Variants in LRFN1 observed in about 807,000 individuals in gnomAD.
LRFN1 encodes the protein leucine-rich repeat and fibronectin type III domain-containing protein 1.
In LRFN1, 20 loss-of-function variants were observed where a neutral mutation model predicts 31.8. The ratio of observed to expected loss-of-function variants is 0.63; its 90% CI spans 0.44 to 0.91. The LOEUF is 0.91. Among genes scored for constraint, LRFN1 ranks in the 40% least tolerant of loss-of-function variants. The pLI is 0.00. For missense variants in LRFN1, 912 were observed against 1,129.8 expected (o/e 0.81, Z 2.76); for synonymous variants, 514 against 541.3 (o/e 0.95, Z 0.70).
intron 4 of LRFN1, among the ~76,000 whole-genome samples, chr19:39,312,875 A>G (rs894783245): frequency 6.6e-6 from 1 of 151,746 alleles, no homozygotes; most frequent in Non-Finnish European, 1.5e-5. Flanking sequence ...TGCAACTCAT[A>G]GTGTACTATG....
chr19:39,308,243 C>A lies in LRFN1; in HGVS notation c.1706G>T (p.Arg569Leu), dbSNP rs749689228. Residue 569 changes from arginine to leucine, a missense_variant, in exon 5 of 5, where the codon CGC becomes CTC. Physicochemically the swap from Arg to Leu is moderately radical, Grantham distance 102 (BLOSUM62 -2). This residue lies in a region of LRFN1 where 511 missense variants were observed against 557.0 expected (regional missense o/e 0.92). Transcript: ENST00000248668. The surrounding 1 kb of genome is among the most constrained non-coding windows in gnomAD (Gnocchi z 6.2). ...CGGGAGCGACCTGGAGCCCTTGACGCGGCGGCTGTCCCCGTCGCCATACAC... is the reference window on the plus strand; with the variant it reads ...CGGGAGCGACCTGGAGCCCTTGACGAGGCGGCTGTCCCCGTCGCCATACAC... ...YKVYGDGDSRRVKGSRSLPRV... is the reference protein window; with the variant it reads ...YKVYGDGDSRLVKGSRSLPRV... 43 of 1,612,214 alleles carry A rather than the reference C, an allele frequency of 2.7e-5. No homozygotes were observed. The highest frequency in any genetic ancestry group is 3.5e-5 in the Non-Finnish European group (41 of 1,179,232).
Position 39,307,745 on chromosome 19 carries a change from A to G in LRFN1, c.2204T>C (p.Leu735Pro), listed in dbSNP as rs766784830. The G allele has an allele frequency of 6.7e-7, 1 of 1,492,642 alleles. No individual in the cohort carries two copies. The highest frequency in any genetic ancestry group is 2.3e-5 in the Admixed American group (1 of 43,116). The allele number at this position is 1,492,642 out of a possible 1,614,324, so 92.5% of individuals were successfully genotyped here. A position where few individuals can be genotyped will look rare whatever the true frequency, so the allele number is the denominator to read the frequency against. ...RTKRHRSTPHLDGAGGGAAGE... is the reference protein window; with the variant it reads ...RTKRHRSTPHPDGAGGGAAGE... ...GGCCGCGCCCCCTCCAGCCCCGTCC[A>G]GGTGCGGCGTGGACCGGTGGCGCTT... The change falls in exon 5 of 5, where the codon CTG (leucine) becomes CCG (proline). Residue 735 changes from leucine to proline, a missense_variant. By Grantham distance (98) the Leu-to-Pro change is moderately conservative (BLOSUM62 -3). This residue lies in a region of LRFN1 where 511 missense variants were observed against 557.0 expected (regional missense o/e 0.92). Transcript: ENST00000248668. This position sits in a 1 kb window ranked among gnomAD's most constrained non-coding sequence, Gnocchi z 6.7.
intron 4 of LRFN1, among the ~76,000 whole-genome samples, chr19:39,312,266 AAG>A (rs1405402256): frequency 1.3e-5 from 2 of 151,954 alleles, no homozygotes; most frequent in Non-Finnish European, 2.9e-5. Context: ...GATGGAGGCC[AAG>A]AGGCAGGTTT....
In LRFN1 at chr19:39,315,133, C is replaced by T. The variant is rs1161165172; in HGVS notation, c.204G>A (p.Val68=). The stretch of plus-strand genomic sequence containing the variant: ...TGAAGTTGTCGGTGAGCCGCAGCTC[C>T]ACCACGCGCCGGTCGATGGCGGGCG... ...FVPPAIDRRV[V]ELRLTDNFIA... The change falls in exon 4 of 5, where the codon GTG becomes GTA. Residue 68 remains valine, a synonymous_variant. Coordinates refer to ENST00000248668, the MANE Select transcript of LRFN1 (RefSeq NM_020862.2). The surrounding 1 kb of genome is among the most constrained non-coding windows in gnomAD (Gnocchi z 4.7). The T allele has an allele frequency of 6.3e-7, 1 of 1,591,782 alleles. No homozygotes were observed. The highest frequency in any genetic ancestry group is 1.3e-5 in the African/African-American group (1 of 74,740).
chr19:39,306,674 A>G lies in LRFN1; in HGVS notation c.*959T>C, dbSNP rs999660553. 39 of 150,118 alleles carry G rather than the reference A, an allele frequency of 2.6e-4. No homozygotes were observed. The highest frequency in any genetic ancestry group is 8.6e-4 in the African/African-American group (35 of 40,608). The allele number at this position is 150,118 out of a possible 1,614,324, so 9.3% of individuals were successfully genotyped here. ...TCCGGCCCCAGTTAGTCATCTTCCC[A>G]TCTTCCTTCAGTCTCACTTAGAGTC... is the stretch of plus-strand genomic sequence containing the variant. On this transcript the variant is annotated 3_prime_UTR_variant, in exon 5 of 5. Transcript: ENST00000248668.
chr19:39,316,919 AC>A (rs2075173920), intron 2 of LRFN1, among the ~76,000 whole-genome samples: 1 of 151,690 alleles, frequency 6.6e-6, no homozygotes, highest in Non-Finnish European at 1.5e-5. Context: ...CTGCTGGCCT[AC>A]CTCCCAGGAA....
Position 39,314,592 on chromosome 19 carries a change from A to G in LRFN1, c.745T>C (p.Phe249Leu), listed in dbSNP as rs779061617. 26 of 1,610,114 alleles carry G rather than the reference A, an allele frequency of 1.6e-5. No individual in the cohort carries two copies. The East Asian group carries it at 4.9e-4, about 30-fold the overall frequency. The change falls in exon 4 of 5, where the codon TTC becomes CTC. Residue 249 changes from phenylalanine to leucine, a missense_variant. Coordinates refer to ENST00000248668, the MANE Select transcript of LRFN1 (RefSeq NM_020862.2). ...TTGCAGTGCAGGGGGTTGCCGCCGA[A>G]GCTGACGGTCAGCGGGGTGGGCGGC... Reference protein sequence around the residue: ...PKPPTPLTVSFGGNPLHCNCE... With the variant: ...PKPPTPLTVSLGGNPLHCNCE...
In LRFN1 at chr19:39,315,230, C is replaced by T; in HGVS notation, c.107G>A (p.Gly36Asp). The T allele has an allele frequency of 6.4e-7, 1 of 1,564,014 alleles. No individual in the cohort carries two copies. Among genetic ancestry groups the T allele is most frequent in the Non-Finnish European group, 8.6e-7 (1 of 1,161,610 alleles). Residue 36 changes from glycine (G) to aspartate (D), a missense_variant, in exon 4 of 5, where the codon GGC becomes GAC. By Grantham distance (94) the Gly-to-Asp change is moderately conservative. This residue lies in a region of LRFN1 where 401 missense variants were observed against 572.7 expected (regional missense o/e 0.70). Transcript: ENST00000248668. This position sits in a 1 kb window ranked among gnomAD's most constrained non-coding sequence, Gnocchi z 4.7. ...CGCCACGTTCTGGCAGATGCAGCGG[C>T]CGGGGCAGGGCTGGCCACGAGATGC... is the stretch of plus-strand genomic sequence containing the variant. Reference protein sequence around the residue: ...AGASRGQPCPGRCICQNVAPT... With the variant: ...AGASRGQPCPDRCICQNVAPT...
rs2075131254 is a variant in LRFN1 at position 39,307,092 on chromosome 19, G to C, written c.*541C>G. The C allele has an allele frequency of 7.6e-6, 3 of 393,480 alleles. No individual in the cohort carries two copies. In the Admixed American group the frequency reaches 1.3e-4, roughly 17 times the overall value. 24.4% of individuals were successfully genotyped at this position (393,480 alleles called of 1,614,324 possible). On this transcript the variant is annotated 3_prime_UTR_variant, in exon 5 of 5. Transcript: ENST00000248668. The surrounding 1 kb of genome is among the most constrained non-coding windows in gnomAD (Gnocchi z 6.7). The stretch of plus-strand genomic sequence containing the variant: ...CAGGCACTACAGAGAGACGACAAGA[G>C]GGCGGGATAGAGACAAACGAGGGAA...
chr19:39,307,464 TG>T lies in LRFN1; in HGVS notation c.*168del. 1 of 667,452 alleles carries T rather than the reference TG, an allele frequency of 1.5e-6. No homozygotes were observed. The highest frequency in any genetic ancestry group is 2.2e-6 in the Non-Finnish European group (1 of 459,810). 41.3% of individuals were successfully genotyped at this position (667,452 alleles called of 1,614,324 possible). A position where few individuals can be genotyped will look rare whatever the true frequency, so the allele number is the denominator to read the frequency against. On this transcript the variant is annotated 3_prime_UTR_variant, in exon 5 of 5. Transcript: ENST00000248668. This position sits in a 1 kb window ranked among gnomAD's most constrained non-coding sequence, Gnocchi z 6.7. Reference sequence around the variant, plus strand: ...GAACCCCGCCCTGGGCACGGGGGCGTGGCCTCGAGCCGCAGCCCGAGGCTGC... The same window carrying T: ...GAACCCCGCCCTGGGCACGGGGGCGTGCCTCGAGCCGCAGCCCGAGGCTGC...
Position 39,314,372 on chromosome 19 carries a change from C to T in LRFN1, c.965G>A (p.Arg322Gln). Residue 322 changes from arginine (R) to glutamine (Q), a missense_variant, in exon 4 of 5, where the codon CGA becomes CAA. Arg to Gln is a conservative substitution (Grantham distance 43, BLOSUM62 1). Transcript: ENST00000248668. ...CACCGGCTCGGGGTCACCCACCGCT[C>T]GGCAGCGCAGGCTCACCGCCTGGCC... is the stretch of plus-strand genomic sequence containing the variant. ...VEGQAVSLRC[R>Q]AVGDPEPVVH... 6.3e-7 allele frequency: 1 copy of T among 1,589,066 alleles called. No individual in the cohort carries two copies. The highest frequency in any genetic ancestry group is 1.1e-5 in the South Asian group (1 of 87,960).
At position 39,315,363 on chromosome 19, in the gene LRFN1, G is replaced by A; in HGVS notation, c.-27C>T. 2 of 1,436,630 alleles carry A rather than the reference G, an allele frequency of 1.4e-6. No individual in the cohort carries two copies. The allele number at this position is 1,436,630 out of a possible 1,614,324, so 89.0% of individuals were successfully genotyped here. On this transcript the variant is annotated 5_prime_UTR_variant, in exon 4 of 5. Coordinates refer to ENST00000248668, the MANE Select transcript of LRFN1 (RefSeq NM_020862.2). This position sits in a 1 kb window ranked among gnomAD's most constrained non-coding sequence, Gnocchi z 4.7. The stretch of plus-strand genomic sequence containing the variant: ...GTGCAGTGGGAAGGCAGGAGGGGTG[G>A]GAGGTGAGACCTGCCGGGGAAGGAG...
chr19:39,315,327 C>T lies in LRFN1; in HGVS notation c.10G>A (p.Gly4Arg). The change falls in exon 4 of 5, where the codon GGA (glycine) becomes AGA (arginine). Residue 4 changes from glycine to arginine, a missense_variant. By Grantham distance (125) the Gly-to-Arg change is moderately radical. This residue lies in a region of LRFN1 where 401 missense variants were observed against 572.7 expected (regional missense o/e 0.70). Transcript: ENST00000248668. This position sits in a 1 kb window ranked among gnomAD's most constrained non-coding sequence, Gnocchi z 4.7. MAPGPFSSALLSPP... is the reference protein window; with the variant it reads MAPRPFSSALLSPP... ...GAGAGGAGGGCCGAGGAGAAGGGTC[C>T]TGGAGCCATGGTGCAGTGGGAAGGC... 6.8e-7 allele frequency: 1 copy of T among 1,464,934 alleles called. No individual in the cohort carries two copies. The highest frequency in any genetic ancestry group is 9.0e-7 in the Non-Finnish European group (1 of 1,111,296). 90.7% of individuals were successfully genotyped at this position (1,464,934 alleles called of 1,614,324 possible).
chr19:39,308,637 C>G lies in LRFN1; in HGVS notation c.1407-95G>C. ...CCATGGTGAACAGTGGGGACTAAAC[C>G]CTGCTATCGAAGTCTCAGCCGCTAC... On this transcript the variant is annotated intron_variant, in intron 4 of 4. Coordinates refer to ENST00000248668, the MANE Select transcript of LRFN1 (RefSeq NM_020862.2). The surrounding 1 kb of genome is among the most constrained non-coding windows in gnomAD (Gnocchi z 6.2). 5 of 1,151,056 alleles carry G rather than the reference C, an allele frequency of 4.3e-6. 1 individual carries two copies. In the South Asian group the frequency reaches 8.1e-5, roughly 19 times the overall value. 71.3% of individuals were successfully genotyped at this position (1,151,056 alleles called of 1,614,324 possible).
In LRFN1 at chr19:39,313,959, T is replaced by C. The variant is rs753879743; in HGVS notation, c.1378A>G (p.Ser460Gly). 1 of 1,598,722 alleles carries C rather than the reference T, an allele frequency of 6.3e-7. No individual in the cohort carries two copies. Among genetic ancestry groups the C allele is most frequent in the South Asian group, 1.1e-5 (1 of 90,918 alleles). ...GIRMYQVQYN[S>G]SVDDSLVYRM... ...TAGACGAGGGAGTCATCAACGGAAC[T>C]GTTGTACTGAACCTGGTACATGCGT... Residue 460 changes from serine to glycine, a missense_variant, in exon 4 of 5, where the codon AGT becomes GGT. Coordinates refer to ENST00000248668, the MANE Select transcript of LRFN1 (RefSeq NM_020862.2).
intron 2 of LRFN1, among the ~76,000 whole-genome samples, chr19:39,317,882 A>G (rs2075176667): frequency 6.6e-6 from 1 of 152,154 alleles, no homozygotes; most frequent in Non-Finnish European, 1.5e-5. Context: ...TTTCTCAGCC[A>G]CCAGGAGGTC....
At chr19:39,319,908 A>G (rs1171657869) in intron 1 of LRFN1, among the ~76,000 whole-genome samples, 7 of 152,066 alleles carry the variant, frequency 4.6e-5, no homozygotes, top group East Asian at 1.9e-4. Flanking sequence ...AGCAGCCCCA[A>G]AGGTTCCCCA....
chr19:39,316,731 C>CA (rs1370280748), intron 2 of LRFN1, among the ~76,000 whole-genome samples: 1 of 152,184 alleles, frequency 6.6e-6, no homozygotes, highest in African/African-American at 2.4e-5. Flanking sequence ...CTCACACACT[C>CA]ACGCTATGTC....
Position 39,308,016 on chromosome 19 carries a change from C to T in LRFN1, c.1933G>A (p.Gly645Ser). Residue 645 changes from glycine to serine, a missense_variant, in exon 5 of 5, where the codon GGC becomes AGC. By Grantham distance (56) the Gly-to-Ser change is moderately conservative. Coordinates refer to ENST00000248668, the MANE Select transcript of LRFN1 (RefSeq NM_020862.2). This position sits in a 1 kb window ranked among gnomAD's most constrained non-coding sequence, Gnocchi z 6.2. ...AGCAGGCACAGCGAGGTGGCCGAGC[C>T]GCCCAGAGAACGTCCAAGGACCACC... ...PEVVLGRSLG[G>S]SATSLCLLPS... 6.4e-7 allele frequency: 1 copy of T among 1,564,908 alleles called. No homozygotes were observed. Among genetic ancestry groups the T allele is most frequent in the Non-Finnish European group, 8.6e-7 (1 of 1,161,226 alleles).
Sources: allele counts gnomAD v4.1 joint callset (sites outside exome capture counted in the v4.1 genomes callset), GRCh38; gene constraint gnomAD v4.1.1; regional missense constraint gnomAD v4.1.1; non-coding constraint Gnocchi (gnomAD v3.1); transcripts MANE v1.5; gene names NCBI Gene and HGNC (gene_info 2026-07-23, HGNC 2026-07-21).